PKD1L1: variants seen among roughly 807,000 people sequenced by gnomAD.
PKD1L1 encodes polycystin-1-like protein 1.
PKD1L1 carries 236 observed loss-of-function variants against 323.4 expected under a neutral mutation model. That is an observed-to-expected ratio of 0.73 (90% confidence interval 0.66 to 0.81). PKD1L1 has a LOEUF of 0.81. Among genes scored for constraint, PKD1L1 ranks in the 40% least tolerant of loss-of-function variants. PKD1L1 has a pLI of 0.00. For missense variants in PKD1L1, 3,320 were observed against 3,508.0 expected (o/e 0.95, Z 1.35); for synonymous variants, 1,344 against 1,335.0 (o/e 1.01, Z -0.15).
chr7:47,800,817 C>A lies in PKD1L1; in HGVS notation c.8025G>T (p.Trp2675Cys). The change falls in exon 54 of 57, where the codon TGG becomes TGT. Residue 2675 changes from tryptophan (W) to cysteine (C), a missense_variant. Transcript: ENST00000289672. Reference sequence around the variant, plus strand: ...CTGTGAAGGTGCCAGGTGGTAGAACCCACATAGAGAGCAGAAATCGGTGCA... The same window carrying A: ...CTGTGAAGGTGCCAGGTGGTAGAACACACATAGAGAGCAGAAATCGGTGCA... ...SHLHRFLLSM[W>C]VLPPGTFTDA... 1.2e-6 allele frequency: 2 copies of A among 1,614,022 alleles called. No homozygotes were observed. Among genetic ancestry groups the A allele is most frequent in the Non-Finnish European group, 1.7e-6 (2 of 1,180,026 alleles).
intron 46 of PKD1L1, among the ~76,000 whole-genome samples, chr7:47,820,057 T>C (rs892995955): frequency 1.7e-4 from 26 of 152,178 alleles, no homozygotes; most frequent in African/African-American, 6.0e-4. Flanking sequence ...GAACCAATAT[T>C]ATTTCATATC....
chr7:47,874,076 CACAG>C (rs1233558978), intron 23 of PKD1L1, 66 bp from the exon 24 acceptor site: 4 of 973,270 alleles, frequency 4.1e-6, no homozygotes, highest in East Asian at 4.9e-5. Flanking sequence ...CTTCTTCACA[CACAG>C]ACAGCATCTT....
In PKD1L1 at chr7:47,830,039, C is replaced by T. The variant is rs775090812; in HGVS notation, c.6558+1G>A. ...CTTCTACCATGGAGGGTGTTTCTTA[C>T]CATAAGTGGCTGGGTGATGAAAATA... On this transcript the variant is annotated splice_donor_variant, in intron 43 of 56. Transcript: ENST00000289672. LOFTEE classifies it high-confidence loss of function. 2 of 1,614,006 alleles carry T rather than the reference C, an allele frequency of 1.2e-6. No individual in the cohort carries two copies. Among genetic ancestry groups the T allele is most frequent in the African/African-American group, 1.3e-5 (1 of 75,054 alleles).
intron 22 of PKD1L1, among the ~76,000 whole-genome samples, chr7:47,876,978 C>T (rs1319121518): frequency 6.6e-6 from 1 of 152,086 alleles, no homozygotes; most frequent in African/African-American, 2.4e-5. Flanking sequence ...TGGGGTTTCA[C>T]CATGTTGGCC....
At chr7:47,877,454 G>T (rs765967234) in intron 22 of PKD1L1, 35 bp downstream of exon 22, 2 of 1,609,488 alleles carry the variant, frequency 1.2e-6, no homozygotes, top group East Asian at 2.2e-5. Context: ...CACTGTCGGG[G>T]GTCTCTCAGG....
At chr7:47,954,912 G>T in the PKD1L1 span, among the ~76,000 whole-genome samples, 3 of 152,238 alleles carry the variant, frequency 2.0e-5, no homozygotes, top group Non-Finnish European at 2.9e-5. Context: ...GGTTATGGTT[G>T]TAAGATTGGT....
rs760860036 is a variant in PKD1L1 at position 47,857,614 on chromosome 7, A to AG, written c.4580dup (p.Pro1528SerfsTer42). ...ATCTGTCAGCTTGTACCTGCCCAGG[A>AG]GCTTGGCTCCCTGGATATGGGTTCT... On this transcript the variant is annotated frameshift_variant, in exon 28 of 57. Transcript: ENST00000289672. LOFTEE classifies it high-confidence loss of function. 1 of 1,613,654 alleles carries AG rather than the reference A, an allele frequency of 6.2e-7. No homozygotes were observed. Among genetic ancestry groups the AG allele is most frequent in the African/African-American group, 1.3e-5 (1 of 75,040 alleles).
chr7:47,931,315 C>T lies in PKD1L1; in HGVS notation c.526G>A (p.Gly176Ser), dbSNP rs1446857269. The stretch of plus-strand genomic sequence containing the variant: ...CAGGGAGCTGCTGCAGAAGTGGTGC[C>T]CTGGAGCTTAAAAGTTTAAGAACAG... ...STFSALLQLQ[G>S]TTSAAAPCSL... Residue 176 changes from glycine to serine, a missense_variant, in exon 6 of 57, where the codon GGC becomes AGC. Gly to Ser is a moderately conservative substitution (Grantham distance 56). Transcript: ENST00000289672. 1 of 1,614,160 alleles carries T rather than the reference C, an allele frequency of 6.2e-7. No homozygotes were observed. The highest frequency in any genetic ancestry group is 1.1e-5 in the South Asian group (1 of 91,084).
chr7:47,806,574 C>T (rs1784782513), intron 52 of PKD1L1, among the ~76,000 whole-genome samples: 1 of 152,188 alleles, frequency 6.6e-6, no homozygotes, highest in African/African-American at 2.4e-5. Context: ...AATATTGGTA[C>T]CAGGGGAGCA....
intron 33 of PKD1L1, among the ~76,000 whole-genome samples, chr7:47,844,736 A>C (rs1785629621): frequency 1.3e-5 from 2 of 152,186 alleles, no homozygotes; most frequent in African/African-American, 4.8e-5. Flanking sequence ...CTAAACTTAA[A>C]AGTATGAAAA....
At position 47,887,977 on chromosome 7, in the gene PKD1L1, T is replaced by G. The variant is rs74725205; in HGVS notation, c.2836+13A>C. The G allele has an allele frequency of 6.3e-7, 1 of 1,596,878 alleles. No individual in the cohort carries two copies. Among genetic ancestry groups the G allele is most frequent in the African/African-American group, 1.4e-5 (1 of 73,686 alleles). Reference sequence around the variant, plus strand: ...CCCTCAGAAAACAAAATAAAGCTATTAATCCTTTTTACCTTCTATCCTATT... The same window carrying G: ...CCCTCAGAAAACAAAATAAAGCTATGAATCCTTTTTACCTTCTATCCTATT... On this transcript the variant is annotated intron_variant, in intron 17 of 56. Transcript: ENST00000289672.
chr7:47,838,077 AAC>A (rs1785495098), intron 36 of PKD1L1, among the ~76,000 whole-genome samples: 1 of 152,226 alleles, frequency 6.6e-6, no homozygotes, highest in Non-Finnish European at 1.5e-5. Context: ...TCCTCAGCCA[AAC>A]AGTCATTCTC....
chr7:47,939,013 AG>A (rs1231546216), intron 3 of PKD1L1, among the ~76,000 whole-genome samples: 1 of 152,208 alleles, frequency 6.6e-6, no homozygotes, highest in African/African-American at 2.4e-5. Context: ...TAAAAGCCTA[AG>A]GAAGTCACTG....
chr7:47,803,189 G>A, intron 53 of PKD1L1, 21 bp downstream of exon 53: 1 of 1,613,946 alleles, frequency 6.2e-7, no homozygotes, highest in Non-Finnish European at 8.5e-7. Context: ...GAAATCACCT[G>A]ATAAAGGGGA....
At chr7:47,832,052 G>C (rs1172571395) in intron 41 of PKD1L1, among the ~76,000 whole-genome samples, 8 of 152,240 alleles carry the variant, frequency 5.3e-5, no homozygotes, top group African/African-American at 1.9e-4. Flanking sequence ...ACTGCTCTTA[G>C]AGGCAGGATG....
In PKD1L1 at chr7:47,832,954, A is replaced by G. The variant is rs1202611681; in HGVS notation, c.6337+136T>C. ...GGACGCCTCAGTTTTGGGTGGGCCC[A>G]TGCCTGGTTTTTAGATGAGACTAGA... On this transcript the variant is annotated intron_variant, in intron 41 of 56. Transcript: ENST00000289672. 3 of 1,212,872 alleles carry G rather than the reference A, an allele frequency of 2.5e-6. No individual in the cohort carries two copies. The East Asian group carries it at 7.9e-5, about 32-fold the overall frequency. 75.1% of individuals were successfully genotyped at this position (1,212,872 alleles called of 1,614,324 possible). A position where few individuals can be genotyped will look rare whatever the true frequency, so the allele number is the denominator to read the frequency against.
At chr7:47,869,364 A>G (rs1786232351) in intron 24 of PKD1L1, among the ~76,000 whole-genome samples, 1 of 152,220 alleles carries the variant, frequency 6.6e-6, no homozygotes, top group Non-Finnish European at 1.5e-5. Flanking sequence ...TATGCTGTCT[A>G]CTGGAGACTA....
At position 47,894,126 on chromosome 7, in the gene PKD1L1, A is replaced by G. The variant is rs141476067; in HGVS notation, c.2272-67T>C. On this transcript the variant is annotated intron_variant, in intron 14 of 56. Coordinates refer to ENST00000289672, the MANE Select transcript of PKD1L1 (RefSeq NM_138295.5). ...AGGCAGGGACTCACTGGAGAAACACACTAGTCTGAAAATTAGAAAGGAAGC... is the reference window on the plus strand; with the variant it reads ...AGGCAGGGACTCACTGGAGAAACACGCTAGTCTGAAAATTAGAAAGGAAGC... 140 of 1,406,344 alleles carry G rather than the reference A, an allele frequency of 1.0e-4. No individual in the cohort carries two copies. The African/African-American group carries it at 1.8e-3, about 18-fold the overall frequency. The allele number at this position is 1,406,344 out of a possible 1,614,324, so 87.1% of individuals were successfully genotyped here. A position where few individuals can be genotyped will look rare whatever the true frequency, so the allele number is the denominator to read the frequency against.
chr7:47,889,192 C>T (rs1258106524), intron 16 of PKD1L1, among the ~76,000 whole-genome samples: 2 of 152,162 alleles, frequency 1.3e-5, no homozygotes. Context: ...CCCAGACCTC[C>T]TGGGGACATC....
Sources: gnomAD v4.1 joint callset for allele counts (sites outside exome capture counted in the v4.1 genomes callset) on GRCh38, gnomAD v4.1.1 for gene constraint, MANE v1.5 for transcripts, NCBI Gene and HGNC (gene_info 2026-07-23, HGNC 2026-07-21) for gene names.